Variants in SF3B1 observed in about 807,000 individuals in gnomAD.
SF3B1 encodes the protein pre-mRNA processing 10.
A neutral mutation model predicts 153.8 loss-of-function variants in SF3B1; 12 were observed. That is an observed-to-expected ratio of 0.08 (90% confidence interval 0.05 to 0.13). SF3B1 has a LOEUF of 0.13. SF3B1 is among the 10% of genes least tolerant of loss of function. The pLI is 1.00. For missense variants in SF3B1, 513 were observed against 1,606.1 expected (o/e 0.32, Z 11.63); for synonymous variants, 498 against 525.2 (o/e 0.95, Z 0.71).
Position 197,402,774 on chromosome 2 carries a change from A to T in SF3B1, c.1859T>A (p.Met620Lys), listed in dbSNP as rs1438613366. The T allele has an allele frequency of 1.2e-6, 2 of 1,614,116 alleles. No individual in the cohort carries two copies. The highest frequency in any genetic ancestry group is 1.7e-6 in the Non-Finnish European group (2 of 1,180,000). Residue 620 changes from methionine (M) to lysine (K), a missense_variant, in exon 14 of 25, where the codon ATG (methionine) becomes AAG (lysine). This residue lies in a region of SF3B1 where 11 missense variants were observed against 16.2 expected (regional missense o/e 0.68). Coordinates refer to ENST00000335508, the MANE Select transcript of SF3B1 (RefSeq NM_012433.4). The surrounding 1 kb of genome is among the most constrained non-coding windows in gnomAD (Gnocchi z 4.6). Reference protein sequence around the residue: ...ISTMRPDIDNMDEYVRNTTAR... With the variant: ...ISTMRPDIDNKDEYVRNTTAR... ...TGTTGTGTTACGGACATACTCATCC[A>T]TGTTATCTATATCAGGTCTCATGGT...
At chr2:197,433,608 TAAA>T (rs2085476836) in intron 1 of SF3B1, among the ~76,000 whole-genome samples, 1 of 152,242 alleles carries the variant, frequency 6.6e-6, no homozygotes, top group East Asian at 1.9e-4. Context: ...ATACTAATAT[TAAA>T]GTCATTGACA....
chr2:197,422,161 AT>A (rs2085254298), intron 2 of SF3B1, among the ~76,000 whole-genome samples: 1 of 151,946 alleles, frequency 6.6e-6, no homozygotes, highest in African/African-American at 2.4e-5. Flanking sequence ...TTCTTTTACA[AT>A]TAGGGTATGA....
rs1257239515 is a variant in SF3B1, at chr2:197,390,399, A to C, written c.*1904T>G. ...GTATTCAATTCTCAGTCATTACTGA[A>C]GGTCATTTGACATCAACCATAGAGA... On this transcript the variant is annotated 3_prime_UTR_variant, in exon 25 of 25. Coordinates refer to ENST00000335508, the MANE Select transcript of SF3B1 (RefSeq NM_012433.4). 1 of 152,230 alleles carries C rather than the reference A, an allele frequency of 6.6e-6. No individual in the cohort carries two copies. Among genetic ancestry groups the C allele is most frequent in the African/African-American group, 2.4e-5 (1 of 41,462 alleles). 9.4% of individuals were successfully genotyped at this position (152,230 alleles called of 1,614,324 possible). A position where few individuals can be genotyped will look rare whatever the true frequency, so the allele number is the denominator to read the frequency against.
intron 6 of SF3B1, among the ~76,000 whole-genome samples, chr2:197,416,244 C>G (rs1049473325): frequency 4.6e-5 from 7 of 151,976 alleles, no homozygotes; most frequent in African/African-American, 1.7e-4. Flanking sequence ...TAAGGAAGAC[C>G]ACTATATCAT....
At position 197,416,853 on chromosome 2, in the gene SF3B1, T is replaced by G. The variant is rs1347115005; in HGVS notation, c.554A>C (p.Asn185Thr). 2 of 1,614,122 alleles carry G rather than the reference T, an allele frequency of 1.2e-6. No individual in the cohort carries two copies. The highest frequency in any genetic ancestry group is 1.7e-6 in the Non-Finnish European group (2 of 1,179,966). The change falls in exon 6 of 25, where the codon AAT becomes ACT. Residue 185 changes from asparagine (N) to threonine (T), a missense_variant. Coordinates refer to ENST00000335508, the MANE Select transcript of SF3B1 (RefSeq NM_012433.4). Reference protein sequence around the residue: ...KAKAGELKVVNGAAASQPPSK... With the variant: ...KAKAGELKVVTGAAASQPPSK... ...TGGAGGCTGGGACGCTGCTGCTCCA[T>G]TGACGACTTTTAGTTCTCCAGCTTT...
At chr2:197,415,496 C>T (rs753591364) in intron 6 of SF3B1, among the ~76,000 whole-genome samples, 17 of 152,002 alleles carry the variant, frequency 1.1e-4, no homozygotes, top group Non-Finnish European at 1.9e-4. Context: ...CCTCAAGATC[C>T]GCCTGCCTTG....
intron 6 of SF3B1, among the ~76,000 whole-genome samples, chr2:197,413,809 G>T (rs1023986463): frequency 6.6e-6 from 1 of 151,022 alleles, no homozygotes; most frequent in African/African-American, 2.4e-5. Context: ...TTCTTGTTTT[G>T]TTTTGTTTTT....
intron 6 of SF3B1, among the ~76,000 whole-genome samples, chr2:197,413,784 T>C (rs1402282087): frequency 6.6e-6 from 1 of 151,934 alleles, no homozygotes. Flanking sequence ...CCTAAATGTT[T>C]TTTTGTTATT....
In SF3B1 at chr2:197,401,922, A is replaced by T. The variant is rs2084940508; in HGVS notation, c.2224-34T>A. ...AAATAAAAAATATATGTACTTTAGT[A>T]ATTTAGATTTATGTCGCCTTAACTT... On this transcript the variant is annotated intron_variant, in intron 15 of 24. Transcript: ENST00000335508. This position sits in a 1 kb window ranked among gnomAD's most constrained non-coding sequence, Gnocchi z 4.2. The T allele has an allele frequency of 1.3e-6, 2 of 1,589,412 alleles. No homozygotes were observed. The highest frequency in any genetic ancestry group is 1.7e-6 in the Non-Finnish European group (2 of 1,171,274).
At chr2:197,422,453 G>A (rs1344188724) in intron 2 of SF3B1, among the ~76,000 whole-genome samples, 2 of 151,994 alleles carry the variant, frequency 1.3e-5, no homozygotes, top group East Asian at 1.9e-4. Flanking sequence ...TATACCTAAC[G>A]TAAATGACAA....
intron 1 of SF3B1, 102 bp downstream of exon 1, chr2:197,434,870 G>GCC: frequency 1.5e-6 from 2 of 1,305,746 alleles, no homozygotes; most frequent in Non-Finnish European, 2.2e-6. Context: ...CGCGGGCTCA[G>GCC]CTCCTACGAA....
intron 6 of SF3B1, 136 bp from the exon 7 acceptor site, chr2:197,410,143 C>T (rs889427981): frequency 1.0e-5 from 6 of 585,588 alleles, no homozygotes; most frequent in African/African-American, 9.4e-5. Context: ...AAGACACTAC[C>T]TCTACTTATA....
At chr2:197,397,186 A>T (rs937485843) in intron 22 of SF3B1, among the ~76,000 whole-genome samples, 1 of 152,078 alleles carries the variant, frequency 6.6e-6, no homozygotes, top group African/African-American at 2.4e-5. Context: ...TGTTTTTTTT[A>T]GAGACAGGGT....
Position 197,401,950 on chromosome 2 carries a change from A to G in SF3B1, c.2223+35T>C. The G allele has an allele frequency of 6.2e-7, 1 of 1,601,636 alleles. No individual in the cohort carries two copies. Among genetic ancestry groups the G allele is most frequent in the Non-Finnish European group, 8.5e-7 (1 of 1,176,524 alleles). On this transcript the variant is annotated intron_variant, in intron 15 of 24. Coordinates refer to ENST00000335508, the MANE Select transcript of SF3B1 (RefSeq NM_012433.4). The surrounding 1 kb of genome is among the most constrained non-coding windows in gnomAD (Gnocchi z 4.2). ...TTAGATTTATGTCGCCTTAACTTTA[A>G]TGAAGATAAATCAAAAGGTAATTGG...
Position 197,403,024 on chromosome 2 carries a change from G to A in SF3B1, c.1731C>T (p.Val577=). 6.3e-7 allele frequency: 1 copy of A among 1,595,148 alleles called. No individual in the cohort carries two copies. Among genetic ancestry groups the A allele is most frequent in the Non-Finnish European group, 8.5e-7 (1 of 1,174,388 alleles). The change falls in exon 13 of 25, where the codon GTC becomes GTT. Residue 577 remains valine, a synonymous_variant. Transcript: ENST00000335508. ...VRPYVHKILV[V]IEPLLIDEDY... ...CTTCATCAATCAATAGCGGTTCAAT[G>A]ACCACGAGGATCTGAAAAAGAGAAA...
chr2:197,432,259 C>G (rs1448645746), intron 1 of SF3B1, among the ~76,000 whole-genome samples: 1 of 152,162 alleles, frequency 6.6e-6, no homozygotes, highest in Non-Finnish European at 1.5e-5. Context: ...AAATCTAATT[C>G]AAAGGATTAG....
chr2:197,428,947 G>T (rs529325506), intron 1 of SF3B1, among the ~76,000 whole-genome samples: 241 of 151,732 alleles, frequency 1.6e-3, no homozygotes, highest in Non-Finnish European at 3.0e-3. Flanking sequence ...CTCCAGCCCG[G>T]ACGACACAGT....
intron 20 of SF3B1, among the ~76,000 whole-genome samples, chr2:197,399,444 C>A (rs1425019262): frequency 1.3e-5 from 2 of 151,994 alleles, no homozygotes; most frequent in Admixed American, 6.6e-5. Flanking sequence ...TATAAGAAAC[C>A]ATTTGTTTTC....
intron 1 of SF3B1, 63 bp downstream of exon 1, chr2:197,434,909 G>C: frequency 6.5e-7 from 1 of 1,549,144 alleles, no homozygotes; most frequent in East Asian, 2.2e-5. Context: ...CAGAATCCTA[G>C]GAAAAAAGGC....
Sources: allele counts gnomAD v4.1 joint callset (sites outside exome capture counted in the v4.1 genomes callset), GRCh38; gene constraint gnomAD v4.1.1; regional missense constraint gnomAD v4.1.1; non-coding constraint Gnocchi (gnomAD v3.1); transcripts MANE v1.5; gene names NCBI Gene and HGNC (gene_info 2026-07-23, HGNC 2026-07-21).